Variants in HS3ST5 observed in about 807,000 individuals in gnomAD.
HS3ST5 encodes the protein heparan sulfate glucosamine 3-O-sulfotransferase 5.
HS3ST5 carries 10 observed loss-of-function variants against 25.4 expected under a neutral mutation model. The ratio of observed to expected loss-of-function variants is 0.39; its 90% CI spans 0.24 to 0.67. The LOEUF (loss-of-function observed/expected upper bound fraction) is 0.67, where lower values mean the gene tolerates loss of function less well. Among genes scored for constraint, HS3ST5 ranks in the 30% least tolerant of loss-of-function variants. The probability of loss-of-function intolerance (pLI) is 0.44; values close to 1 mark genes in which losing one functional copy is unlikely to be tolerated. For synonymous variants in HS3ST5, 170 were observed against 162.4 expected (o/e 1.05, Z -0.36); for missense variants, 324 against 420.7 (o/e 0.77, Z 2.01).
intron 2 of HS3ST5, among the ~76,000 whole-genome samples, chr6:114,203,821 C>A (rs1781140128): frequency 6.6e-6 from 1 of 152,202 alleles, no homozygotes. Context: ...GTCTCCTGTC[C>A]TGCATGGCTG....
intron 1 of HS3ST5, among the ~76,000 whole-genome samples, chr6:114,300,223 C>T (rs1775013946): frequency 6.6e-6 from 1 of 151,488 alleles, no homozygotes; most frequent in African/African-American, 2.4e-5. Context: ...AATGAAAAGA[C>T]AACCCAGAGA....
At chr6:114,316,642 T>C (rs991756986) in intron 1 of HS3ST5, among the ~76,000 whole-genome samples, 1 of 152,232 alleles carries the variant, frequency 6.6e-6, no homozygotes, top group Non-Finnish European at 1.5e-5. Context: ...ACATTATACT[T>C]GCCAGATATT....
At chr6:114,241,936 A>G (rs1260095507) in intron 1 of HS3ST5, among the ~76,000 whole-genome samples, 1 of 152,224 alleles carries the variant, frequency 6.6e-6, no homozygotes, top group Non-Finnish European at 1.5e-5. Flanking sequence ...CATTCTCCAT[A>G]GTACCATCCT....
Position 114,096,094 on chromosome 6 carries a change from G to A in HS3ST5, c.-32-33217C>T, listed in dbSNP as rs892970921. Among the ~76,000 whole-genome samples, 23 of 152,054 alleles carry A rather than the reference G, an allele frequency of 1.5e-4. No homozygotes were observed. In the East Asian group the frequency reaches 2.3e-3, roughly 15 times the overall value. ...GATGTATTTTAAACCTTCAGGAAGC[G>A]TTCACTCACCTATTAAGAAGGATAA... On this transcript the variant is annotated intron_variant, in intron 3 of 4. Transcript: ENST00000312719.
chr6:114,326,839 CTTCTA>C, intron 1 of HS3ST5, among the ~76,000 whole-genome samples: 1 of 151,910 alleles, frequency 6.6e-6, no homozygotes, highest in East Asian at 1.9e-4. Context: ...AGTGAAGAAT[CTTCTA>C]TTCTAAAGCA....
intron 2 of HS3ST5, among the ~76,000 whole-genome samples, chr6:114,184,724 A>G (rs1379478892): frequency 6.6e-6 from 1 of 152,258 alleles, no homozygotes; most frequent in African/African-American, 2.4e-5. Context: ...GCCAGGTAGA[A>G]CCATGGGGAC....
chr6:114,106,675 G>C (rs148217126), intron 3 of HS3ST5, among the ~76,000 whole-genome samples: 145 of 152,168 alleles, frequency 9.5e-4, no homozygotes, highest in Non-Finnish European at 1.3e-3. Context: ...TGCTGGTTTA[G>C]AGCTGAAGCT....
chr6:114,214,518 A>C (rs1781660529), intron 2 of HS3ST5, among the ~76,000 whole-genome samples: 2 of 152,182 alleles, frequency 1.3e-5, no homozygotes, highest in African/African-American at 4.8e-5. Context: ...TTCCCGTAAG[A>C]TTTGTAACTG....
rs75199266 is a variant in HS3ST5, at chr6:114,206,070, C to T, written c.-145+22515G>A. Among the ~76,000 whole-genome samples, 123 of 152,310 alleles carry T rather than the reference C, an allele frequency of 8.1e-4. 2 individuals carry two copies. In the East Asian group the frequency reaches 0.023, roughly 28 times the overall value. The stretch of plus-strand genomic sequence containing the variant: ...CCATTTTTCTAGACCTTCCTGCTCC[C>T]TCTTCACTCTTGAGTCATCTAATTA... On this transcript the variant is annotated intron_variant, in intron 2 of 4. Transcript: ENST00000312719.
chr6:114,186,773 T>C (rs1780236427), intron 2 of HS3ST5, among the ~76,000 whole-genome samples: 1 of 152,204 alleles, frequency 6.6e-6, no homozygotes, highest in Admixed American at 6.5e-5. Flanking sequence ...GAGAAAACAA[T>C]GCCTGGCTTC....
At chr6:114,309,196 A>G (rs73544412) in intron 1 of HS3ST5, among the ~76,000 whole-genome samples, 5,412 of 152,336 alleles carry the variant, frequency 0.036, 324 homozygotes, top group African/African-American at 0.12. Flanking sequence ...TTCACAGAAT[A>G]CATATGAGCA....
intron 1 of HS3ST5, among the ~76,000 whole-genome samples, chr6:114,256,311 C>A (rs1772915038): frequency 6.6e-6 from 1 of 151,806 alleles, no homozygotes; most frequent in Non-Finnish European, 1.5e-5. Flanking sequence ...TGGCGTGAAC[C>A]CGGGAGGCAG....
At chr6:114,315,262 TGCACATATTAGAACATG>T (rs1342885925) in intron 1 of HS3ST5, among the ~76,000 whole-genome samples, 1 of 152,198 alleles carries the variant, frequency 6.6e-6, no homozygotes. Flanking sequence ...ACAGAACTGC[TGCACATATTAGAACATG>T]GCACATCTAT....
intron 1 of HS3ST5, among the ~76,000 whole-genome samples, chr6:114,262,169 CTA>C (rs1385099629): frequency 6.6e-6 from 1 of 152,174 alleles, no homozygotes; most frequent in African/African-American, 2.4e-5. Context: ...AATATTGAAT[CTA>C]TGAATTGAAC....
intron 1 of HS3ST5, among the ~76,000 whole-genome samples, chr6:114,269,983 T>G (rs1773569987): frequency 6.6e-6 from 1 of 152,172 alleles, no homozygotes; most frequent in Admixed American, 6.5e-5. Context: ...AACATTGGGC[T>G]TATGCTCAAA....
chr6:114,063,344 G>A (rs1048512240), intron 3 of HS3ST5, among the ~76,000 whole-genome samples: 6 of 151,982 alleles, frequency 3.9e-5, no homozygotes, highest in African/African-American at 9.7e-5. Context: ...GTGAAACCTC[G>A]TCTCTACTAA....
chr6:114,058,148 G>A lies in HS3ST5; in HGVS notation c.150C>T (p.Ala50=). ...ICPIEGRLGG[A]RTQAEFPLRA... is the part of the protein sequence containing the mutation. Reference sequence around the variant, plus strand: ...GAAGTGGGAATTCAGCCTGAGTGCGGGCTCCACCCAGTCGACCTTCAATGG... The same window carrying A: ...GAAGTGGGAATTCAGCCTGAGTGCGAGCTCCACCCAGTCGACCTTCAATGG... Residue 50 remains alanine (A), a synonymous_variant, in exon 5 of 5, where the codon GCC becomes GCT. Transcript: ENST00000312719. 1.9e-6 allele frequency: 3 copies of A among 1,611,108 alleles called. No homozygotes were observed. Among genetic ancestry groups the A allele is most frequent in the Non-Finnish European group, 2.5e-6 (3 of 1,177,630 alleles).
At chr6:114,186,346 C>T (rs1562230293) in intron 2 of HS3ST5, among the ~76,000 whole-genome samples, 1 of 152,124 alleles carries the variant, frequency 6.6e-6, no homozygotes, top group Non-Finnish European at 1.5e-5. Context: ...AAAATTGCTA[C>T]TCTGGTGAAC....
intron 3 of HS3ST5, among the ~76,000 whole-genome samples, chr6:114,111,538 AC>A (rs1038947740): frequency 6.6e-6 from 1 of 152,098 alleles, no homozygotes; most frequent in Non-Finnish European, 1.5e-5. Flanking sequence ...TCCCTGGGTG[AC>A]AGAACTCCCT....
Sources: gnomAD v4.1 joint callset for allele counts (sites outside exome capture counted in the v4.1 genomes callset) on GRCh38, gnomAD v4.1.1 for gene constraint, MANE v1.5 for transcripts, NCBI Gene and HGNC (gene_info 2026-07-23, HGNC 2026-07-21) for gene names.